The following TRPC5 variants were observed in gnomAD, a reference collection of about 807,000 sequenced individuals.
TRPC5 encodes the protein short transient receptor potential channel 5.
Under a neutral mutation model 56.5 loss-of-function variants are expected in TRPC5, and 9 were observed. The observed-to-expected ratio is 0.16, with a 90% CI of 0.10 to 0.28. TRPC5 has a LOEUF of 0.28. Ranked by LOEUF, TRPC5 falls within the 10% of genes least tolerant of loss-of-function variation. The pLI is 1.00. For synonymous variants in TRPC5, 282 were observed against 278.5 expected (o/e 1.01, Z -0.13); for missense variants, 469 against 748.9 (o/e 0.63, Z 4.36).
At chrX:111,856,820 A>G (rs1193902763) in intron 3 of TRPC5, among the ~76,000 whole-genome samples, 2 of 95,543 alleles carry the variant, frequency 2.1e-5, no homozygotes, top group Non-Finnish European at 4.2e-5. Context: ...CTCCATCTCC[A>G]AAAAAAAAAA....
chrX:112,065,956 C>A (rs1237568070), intron 1 of TRPC5, among the ~76,000 whole-genome samples: 1 of 109,444 alleles, frequency 9.1e-6, no homozygotes, highest in Non-Finnish European at 1.9e-5. Context: ...TCCTGCCTAG[C>A]TCTCCAAAGG....
At chrX:111,935,573 T>A (rs919367724) in intron 2 of TRPC5, among the ~76,000 whole-genome samples, 1 of 111,887 alleles carries the variant, frequency 8.9e-6, no homozygotes, top group Non-Finnish European at 1.9e-5. Context: ...GTTTTCCCAA[T>A]GTTTTTTCAT....
intron 7 of TRPC5, among the ~76,000 whole-genome samples, chrX:111,804,008 A>G (rs760906297): frequency 8.9e-6 from 1 of 112,189 alleles, no homozygotes; most frequent in South Asian, 3.7e-4. Context: ...TCTTTAATCC[A>G]TCTTGAATTA....
At chrX:111,984,200 G>A in intron 1 of TRPC5, among the ~76,000 whole-genome samples, 1 of 111,422 alleles carries the variant, frequency 9.0e-6, no homozygotes, top group Non-Finnish European at 1.9e-5. Flanking sequence ...CCTGCGCTGT[G>A]ATTCACTTCT....
At chrX:111,936,249 A>G (rs190266020) in intron 2 of TRPC5, among the ~76,000 whole-genome samples, 341 of 111,064 alleles carry the variant, frequency 3.1e-3, no homozygotes, top group African/African-American at 0.011. Flanking sequence ...TATTTTTCAG[A>G]TTGTTTGCTG....
chrX:111,789,808 A>G (rs923440916), intron 7 of TRPC5, among the ~76,000 whole-genome samples: 1 of 112,916 alleles, frequency 8.9e-6, no homozygotes, highest in Non-Finnish European at 1.9e-5. Context: ...ACATGAGAAA[A>G]TGCTCACCAT....
intron 7 of TRPC5, among the ~76,000 whole-genome samples, chrX:111,815,105 A>G (rs1258969365): frequency 8.9e-6 from 1 of 112,216 alleles, no homozygotes; most frequent in East Asian, 2.8e-4. Context: ...ATCTCTGGGC[A>G]GAGATGGAGG....
chrX:112,023,131 T>C, intron 1 of TRPC5, among the ~76,000 whole-genome samples: 1 of 109,194 alleles, frequency 9.2e-6, no homozygotes, highest in African/African-American at 3.3e-5. Flanking sequence ...AGACGGGGTT[T>C]CACCGTGTTA....
chrX:112,037,500 C>G (rs1165149822), intron 1 of TRPC5, among the ~76,000 whole-genome samples: 2 of 111,634 alleles, frequency 1.8e-5, no homozygotes, highest in East Asian at 5.6e-4. Context: ...TTTTCTTTTG[C>G]CCTCTTGACC....
Position 111,771,946 on chromosome X carries a change from C to T in TRPC5, c.*4367G>A, listed in dbSNP as rs1259950681. Among the ~76,000 whole-genome samples, 2 of 110,185 alleles carry T rather than the reference C, an allele frequency of 1.8e-5. No homozygotes were observed. The highest frequency in any genetic ancestry group is 9.8e-5 in the Admixed American group (1 of 10,250). On this transcript the variant is annotated 3_prime_UTR_variant, in exon 11 of 11. Transcript: ENST00000262839. ...TCTCTTCAAAATGATCTAGTAATTA[C>T]CTAAAGGGATAAAGGGCCAAGGGCA...
Position 111,776,346 on chromosome X carries a change from A to G in TRPC5, c.2889T>C (p.Asp963=), listed in dbSNP as rs753260439. The G allele has an allele frequency of 3.4e-6, 4 of 1,193,090 alleles. No individual in the cohort carries two copies. Among genetic ancestry groups the G allele is most frequent in the Non-Finnish European group, 4.5e-6 (4 of 886,965 alleles). ...GAGTTGTAACTTGTTCTTCCTGTCC[A>G]TCACCCCATTTGTGCATGAGCAAGT... ...ACDLLMHKWG[D]GQEEQVTTRL is the part of the protein sequence containing the mutation. Residue 963 remains aspartate (D), a synonymous_variant, in exon 11 of 11, where the codon GAT becomes GAC. Transcript: ENST00000262839.
At chrX:111,902,182 C>T (rs776015828) in intron 3 of TRPC5, 7 of 1,100,704 alleles carry the variant, frequency 6.4e-6, no homozygotes, top group South Asian at 2.2e-5. Flanking sequence ...TAACAGGTGA[C>T]TAAGACCCAA....
chrX:112,023,942 A>G (rs1459605304), intron 1 of TRPC5, among the ~76,000 whole-genome samples: 1 of 110,571 alleles, frequency 9.0e-6, no homozygotes, highest in East Asian at 2.9e-4. Flanking sequence ...GCAATATTAC[A>G]CCCCTCCCTC....
intron 7 of TRPC5, among the ~76,000 whole-genome samples, chrX:111,796,106 A>G (rs770837415): frequency 3.6e-5 from 4 of 111,935 alleles, no homozygotes; most frequent in African/African-American, 1.3e-4. Flanking sequence ...GAGCCTCTGT[A>G]GTGACTTTTT....
intron 1 of TRPC5, among the ~76,000 whole-genome samples, chrX:111,983,698 G>T (rs2148653390): frequency 9.0e-6 from 1 of 111,215 alleles, no homozygotes; most frequent in Non-Finnish European, 1.9e-5. Context: ...CCACTGAGAG[G>T]ATTTTCCTTC....
intron 1 of TRPC5, among the ~76,000 whole-genome samples, chrX:112,009,941 C>A (rs138287396): frequency 0.025 from 2,743 of 111,262 alleles, 35 homozygotes; most frequent in Middle Eastern, 0.05. Context: ...CACATGTATA[C>A]ATATGTAACA....
intron 3 of TRPC5, among the ~76,000 whole-genome samples, chrX:111,883,303 A>G (rs1924318877): frequency 8.9e-6 from 1 of 112,461 alleles, no homozygotes. Context: ...AGTTCTAGTC[A>G]GCCCAACTGG....
chrX:111,893,079 GT>G (rs79584045), intron 3 of TRPC5, among the ~76,000 whole-genome samples: 2,475 of 88,039 alleles, frequency 0.028, 34 homozygotes, highest in Middle Eastern at 0.056. Flanking sequence ...CAAATATAGG[GT>G]TTTTTTTTTT....
At chrX:111,977,756 TAAC>T in intron 1 of TRPC5, among the ~76,000 whole-genome samples, 1 of 111,461 alleles carries the variant, frequency 9.0e-6, no homozygotes, top group African/African-American at 3.3e-5. Flanking sequence ...AAGAAACTCA[TAAC>T]AACTCAATAC....
Sources: gnomAD v4.1 joint callset for allele counts (sites outside exome capture counted in the v4.1 genomes callset) on GRCh38, gnomAD v4.1.1 for gene constraint, MANE v1.5 for transcripts, NCBI Gene and HGNC (gene_info 2026-07-23, HGNC 2026-07-21) for gene names.